Variants in C1orf21 observed in about 807,000 individuals in gnomAD.
C1orf21 encodes chromosome 1 open reading frame 21, also known as uncharacterized protein C1orf21.
C1orf21 carries 3 observed loss-of-function variants against 18.7 expected under a neutral mutation model. The observed-to-expected ratio is 0.16, with a 90% CI of 0.07 to 0.42. C1orf21 has a LOEUF of 0.42. Ranked by LOEUF, C1orf21 falls within the 10% of genes least tolerant of loss-of-function variation. The pLI is 0.99. For missense variants in C1orf21, 104 were observed against 143.6 expected, an observed-to-expected ratio of 0.72 and a Z score of 1.41; for synonymous variants, 41 against 46.4, an observed-to-expected ratio of 0.88 and a Z score of 0.47.
chr1:184,593,003 C>T (rs1404394092), intron 4 of C1orf21, among the ~76,000 whole-genome samples: 1 of 152,178 alleles, frequency 6.6e-6, no homozygotes, highest in South Asian at 2.1e-4. Flanking sequence ...CTGCTCATCA[C>T]GTTCATCCAC....
chr1:184,569,316 A>G (rs1571281754), intron 3 of C1orf21, among the ~76,000 whole-genome samples: 1 of 152,332 alleles, frequency 6.6e-6, no homozygotes, highest in East Asian at 1.9e-4. Flanking sequence ...AGCAGTTCCC[A>G]TTGCCACTTG....
At chr1:184,529,534 T>C (rs181213196) in intron 3 of C1orf21, among the ~76,000 whole-genome samples, 1 of 152,324 alleles carries the variant, frequency 6.6e-6, no homozygotes, top group African/African-American at 2.4e-5. Flanking sequence ...TGCATACAGA[T>C]ATGTGTTTGC....
Position 184,616,710 on chromosome 1 carries a change from A to ACACGTGTG in C1orf21, c.328-2808_328-2807insCACGTGTG, listed in dbSNP as rs1558015988. 4.9e-4 allele frequency among the ~76,000 whole-genome samples: 49 copies of ACACGTGTG among 99,962 alleles called. 1 individual carries two copies. The South Asian group carries it at 0.015, about 31-fold the overall frequency. The allele number at this position is 99,962 out of a possible 152,430, so 65.6% of individuals were successfully genotyped here. A position where few individuals can be genotyped will look rare whatever the true frequency, so the allele number is the denominator to read the frequency against. On this transcript the variant is annotated intron_variant, in intron 5 of 5. Transcript: ENST00000235307. ...TGTGCTTGTGTGTGCACACGTGTGT[A>ACACGTGTG]TGTGTGTTGTGTGCACGTGTGTGTG... is the stretch of plus-strand genomic sequence containing the variant.
In C1orf21 at chr1:184,613,520, A is replaced by C. The variant is rs117250867; in HGVS notation, c.328-5998A>C. ...TTCTGTGTGCATAGTTTTGCTCAAAACTTATTATCAGTTGTGTTGTTTAAA... is the reference window on the plus strand; with the variant it reads ...TTCTGTGTGCATAGTTTTGCTCAAACCTTATTATCAGTTGTGTTGTTTAAA... On this transcript the variant is annotated intron_variant, in intron 5 of 5. Coordinates refer to ENST00000235307, the MANE Select transcript of C1orf21 (RefSeq NM_030806.4). 2.1e-3 allele frequency among the ~76,000 whole-genome samples: 314 copies of C among 152,264 alleles called. 7 individuals are homozygous for C. The East Asian group carries it at 0.052, about 25-fold the overall frequency.
intron 3 of C1orf21, among the ~76,000 whole-genome samples, chr1:184,522,969 T>C (rs1303631675): frequency 3.9e-5 from 6 of 152,204 alleles, no homozygotes; most frequent in Non-Finnish European, 7.3e-5. Context: ...ATGACGGGCA[T>C]GAGCCAGTAC....
chr1:184,481,805 G>A (rs1657662258), intron 2 of C1orf21, among the ~76,000 whole-genome samples: 1 of 152,090 alleles, frequency 6.6e-6, no homozygotes, highest in Non-Finnish European at 1.5e-5. Context: ...ACCAATCAAG[G>A]GAGATACTTT....
intron 5 of C1orf21, among the ~76,000 whole-genome samples, chr1:184,609,899 G>GAA (rs1659702451): frequency 6.6e-6 from 1 of 152,212 alleles, no homozygotes; most frequent in South Asian, 2.1e-4. Context: ...TGTTGGAGAT[G>GAA]AATTTTTCCA....
At chr1:184,425,458 C>G (rs979563687) in intron 1 of C1orf21, among the ~76,000 whole-genome samples, 3 of 151,958 alleles carry the variant, frequency 2.0e-5, no homozygotes, top group Non-Finnish European at 4.4e-5. Context: ...GACGAGGTCT[C>G]TCTGTGGTAC....
Position 184,481,168 on chromosome 1 carries a change from T to G in C1orf21, c.94+3565T>G, listed in dbSNP as rs1191299508. ...AAGGAAAGAGAAAAGAAGAAATAAC[T>G]TAAAAAAAAACTCTCTCTCTTAGAA... On this transcript the variant is annotated intron_variant, in intron 2 of 5. Coordinates refer to ENST00000235307, the MANE Select transcript of C1orf21 (RefSeq NM_030806.4). 9.9e-5 allele frequency among the ~76,000 whole-genome samples: 15 copies of G among 151,888 alleles called. No individual in the cohort carries two copies. The East Asian group carries it at 2.9e-3, about 29-fold the overall frequency.
intron 4 of C1orf21, among the ~76,000 whole-genome samples, chr1:184,592,470 C>A (rs1451006646): frequency 2.6e-5 from 4 of 152,076 alleles, no homozygotes; most frequent in Non-Finnish European, 5.9e-5. Context: ...TGACTCTAAC[C>A]TTAATGATAA....
chr1:184,602,852 GACCCTAGCTGATGACC>G (rs1349667463), intron 5 of C1orf21, among the ~76,000 whole-genome samples: 5 of 152,352 alleles, frequency 3.3e-5, no homozygotes, highest in African/African-American at 1.2e-4. Context: ...GAAGATGTAA[GACCCTAGCTGATGACC>G]AGGGAGTCCT....
intron 3 of C1orf21, among the ~76,000 whole-genome samples, chr1:184,534,920 C>G (rs1321017869): frequency 6.6e-6 from 1 of 151,916 alleles, no homozygotes; most frequent in African/African-American, 2.4e-5. Context: ...TGAGAAAGTC[C>G]CTGAACTGGA....
At chr1:184,601,717 G>A (rs12747629) in intron 5 of C1orf21, among the ~76,000 whole-genome samples, 61,186 of 151,924 alleles carry the variant, frequency 0.4, 15,223 homozygotes, top group African/African-American at 0.71. Context: ...CCTGGCCAAC[G>A]TGGTGAAACC....
intron 1 of C1orf21, among the ~76,000 whole-genome samples, chr1:184,441,190 G>C (rs1490604305): frequency 2.0e-5 from 3 of 152,122 alleles, no homozygotes; most frequent in Non-Finnish European, 4.4e-5. Flanking sequence ...TTTTGTGATT[G>C]AGTTAACTTT....
intron 3 of C1orf21, among the ~76,000 whole-genome samples, chr1:184,543,536 G>T (rs568218959): frequency 6.6e-6 from 1 of 151,996 alleles, no homozygotes; most frequent in Non-Finnish European, 1.5e-5. Flanking sequence ...TATTTGTCTT[G>T]GTTTTTGGCC....
chr1:184,435,774 A>G (rs1656848163), intron 1 of C1orf21, among the ~76,000 whole-genome samples: 1 of 152,234 alleles, frequency 6.6e-6, no homozygotes, highest in Admixed American at 6.5e-5. Flanking sequence ...CAAAAGGAAA[A>G]CTATCAGGGT....
intron 3 of C1orf21, among the ~76,000 whole-genome samples, chr1:184,516,382 C>T (rs780988082): frequency 1.3e-5 from 2 of 152,178 alleles, no homozygotes; most frequent in African/African-American, 4.8e-5. Context: ...ATCCCCCGCA[C>T]CTATGGAGCT....
At chr1:184,488,776 G>A (rs1657770111) in intron 2 of C1orf21, among the ~76,000 whole-genome samples, 1 of 152,154 alleles carries the variant, frequency 6.6e-6, no homozygotes, top group South Asian at 2.1e-4. Flanking sequence ...ACCAGCCTGG[G>A]CAACACGGTG....
intron 1 of C1orf21, among the ~76,000 whole-genome samples, chr1:184,390,980 T>C (rs1473685310): frequency 6.6e-6 from 1 of 152,222 alleles, no homozygotes; most frequent in Non-Finnish European, 1.5e-5. Context: ...TTTTAAATAA[T>C]GGTGACAGTT....
Sources: gnomAD v4.1 joint callset for allele counts (sites outside exome capture counted in the v4.1 genomes callset) on GRCh38, gnomAD v4.1.1 for gene constraint, MANE v1.5 for transcripts, NCBI Gene and HGNC (gene_info 2026-07-23, HGNC 2026-07-21) for gene names.